Variants in CA8 observed in about 807,000 individuals in gnomAD.
The protein encoded by CA8 is carbonic anhydrase 8 (inactive), also known as carbonic anhydrase-related protein.
Under a neutral mutation model 41.4 loss-of-function variants are expected in CA8, and 22 were observed. The ratio of observed to expected loss-of-function variants is 0.53; its 90% CI spans 0.38 to 0.76. The LOEUF is 0.76. Among genes scored for constraint, CA8 ranks in the 30% least tolerant of loss-of-function variants. CA8 has a pLI of 0.00. For synonymous variants in CA8, 121 were observed against 130.6 expected (o/e 0.93, Z 0.50); for missense variants, 270 against 352.8 (o/e 0.77, Z 1.88).
In CA8 at chr8:60,188,840, C is replaced by G. The variant is rs567190198; in HGVS notation, c.*1181G>C. On this transcript the variant is annotated 3_prime_UTR_variant, in exon 9 of 9. Coordinates refer to ENST00000317995, the MANE Select transcript of CA8 (RefSeq NM_004056.6). ...TTTAATGCTTCCATTATTACCGTCT[C>G]TACTCAACACATCTAAAAACTCTGA... 1.4e-3 allele frequency: 213 copies of G among 152,288 alleles called. No homozygotes were observed. The highest frequency in any genetic ancestry group is 5.0e-3 in the African/African-American group (207 of 41,566). The allele number at this position is 152,288 out of a possible 1,614,324, so 9.4% of individuals were successfully genotyped here.
At chr8:60,191,228 A>G (rs1364793538) in intron 8 of CA8, among the ~76,000 whole-genome samples, 1 of 152,034 alleles carries the variant, frequency 6.6e-6, no homozygotes, top group East Asian at 1.9e-4. Context: ...TAAAATATAT[A>G]CACATTGTGA....
chr8:60,237,774 C>T (rs1412037542), intron 3 of CA8, among the ~76,000 whole-genome samples: 2 of 152,204 alleles, frequency 1.3e-5, no homozygotes, highest in Non-Finnish European at 2.9e-5. Flanking sequence ...TTGGCCTCCT[C>T]CTACACTTGG....
At chr8:60,276,272 C>T (rs1050502976) in intron 2 of CA8, among the ~76,000 whole-genome samples, 1 of 152,090 alleles carries the variant, frequency 6.6e-6, no homozygotes, top group African/African-American at 2.4e-5. Flanking sequence ...ACTTCCCAGG[C>T]TTGAGGTCCA....
At chr8:60,220,210 A>C (rs1413126892) in intron 7 of CA8, among the ~76,000 whole-genome samples, 3 of 152,202 alleles carry the variant, frequency 2.0e-5, no homozygotes, top group Non-Finnish European at 4.4e-5. Context: ...GCCTCAAGGC[A>C]AACTGCTTAG....
chr8:60,247,984 T>C (rs1017273127), intron 3 of CA8, among the ~76,000 whole-genome samples: 17 of 152,350 alleles, frequency 1.1e-4, no homozygotes, highest in African/African-American at 3.1e-4. Context: ...ATGGTTTTGA[T>C]TTGCGTTTCT....
Position 60,186,864 on chromosome 8 carries a change from G to A in CA8, c.*3157C>T, listed in dbSNP as rs925572770. Among the ~76,000 whole-genome samples the A allele has an allele frequency of 6.6e-6, 1 of 152,060 alleles. No individual in the cohort carries two copies. The highest frequency in any genetic ancestry group is 2.4e-5 in the African/African-American group (1 of 41,544). The stretch of plus-strand genomic sequence containing the variant: ...GTAGAAAAAAACTGACAGAATTGAA[G>A]GAAGAGATTATTCAACAACAGTCAG... On this transcript the variant is annotated 3_prime_UTR_variant, in exon 9 of 9. Transcript: ENST00000317995.
intron 7 of CA8, among the ~76,000 whole-genome samples, chr8:60,218,969 A>T (rs1176754085): frequency 6.6e-6 from 1 of 151,672 alleles, no homozygotes; most frequent in African/African-American, 2.4e-5. Flanking sequence ...AGGGACCTGG[A>T]GCAACTAGAT....
At position 60,188,206 on chromosome 8, in the gene CA8, G is replaced by A. The variant is rs937535313; in HGVS notation, c.*1815C>T. On this transcript the variant is annotated 3_prime_UTR_variant, in exon 9 of 9. Coordinates refer to ENST00000317995, the MANE Select transcript of CA8 (RefSeq NM_004056.6). ...TACACACACACCTGTGAAGGGTGAA[G>A]TCTGAACAACTAGATGTTATCCTGA... 2 of 152,134 alleles carry A rather than the reference G, an allele frequency of 1.3e-5. No individual in the cohort carries two copies. Among genetic ancestry groups the A allele is most frequent in the East Asian group, 1.9e-4 (1 of 5,194 alleles). 9.4% of individuals were successfully genotyped at this position (152,134 alleles called of 1,614,324 possible). A position where few individuals can be genotyped will look rare whatever the true frequency, so the allele number is the denominator to read the frequency against.
At chr8:60,256,615 CAT>C (rs1401861119) in intron 3 of CA8, among the ~76,000 whole-genome samples, 1 of 152,130 alleles carries the variant, frequency 6.6e-6, no homozygotes, top group Non-Finnish European at 1.5e-5. Flanking sequence ...AAAAGCAAAA[CAT>C]ATGGTTTTTA....
chr8:60,209,536 G>A (rs1806760256), intron 7 of CA8, among the ~76,000 whole-genome samples: 1 of 152,148 alleles, frequency 6.6e-6, no homozygotes, highest in South Asian at 2.1e-4. Flanking sequence ...CCTATCTATA[G>A]CATAATAAGA....
At chr8:60,232,401 G>C (rs749909756) in intron 3 of CA8, 22 bp from the exon 4 acceptor site, 1 of 1,483,018 alleles carries the variant, frequency 6.7e-7, no homozygotes, top group Non-Finnish European at 9.4e-7. Context: ...GCAACAGACA[G>C]ACCACATCAT....
chr8:60,241,407 G>A (rs1048199554), intron 3 of CA8, among the ~76,000 whole-genome samples: 2 of 152,138 alleles, frequency 1.3e-5, no homozygotes, highest in East Asian at 3.9e-4. Context: ...ATATCAAAAG[G>A]TATTTATAGT....
At chr8:60,240,199 T>C (rs1807973755) in intron 3 of CA8, among the ~76,000 whole-genome samples, 1 of 152,200 alleles carries the variant, frequency 6.6e-6, no homozygotes, top group Non-Finnish European at 1.5e-5. Flanking sequence ...AAGGAGATAC[T>C]AGCAGCAAAG....
chr8:60,234,186 TCA>T (rs752315915), intron 3 of CA8, among the ~76,000 whole-genome samples: 2 of 152,024 alleles, frequency 1.3e-5, no homozygotes, highest in Admixed American at 6.6e-5. Context: ...CAGACAAATC[TCA>T]GTGAGAGACA....
At chr8:60,222,955 C>A (rs370050075) in intron 6 of CA8, among the ~76,000 whole-genome samples, 194 bp from the exon 7 acceptor site, 18 of 152,248 alleles carry the variant, frequency 1.2e-4, no homozygotes, top group African/African-American at 4.3e-4. Context: ...ATGATGAATT[C>A]TCTATTATTT....
intron 3 of CA8, among the ~76,000 whole-genome samples, chr8:60,256,642 T>C (rs748248887): frequency 6.6e-6 from 1 of 152,218 alleles, no homozygotes; most frequent in East Asian, 1.9e-4. Context: ...GGTTAAAAAC[T>C]TACAGAGTTA....
intron 2 of CA8, among the ~76,000 whole-genome samples, chr8:60,277,188 C>CA (rs11428228): frequency 1 from 151,402 of 151,402 alleles, 75,701 homozygotes; most frequent in Non-Finnish European, 1. Flanking sequence ...ACATAGCTTA[C>CA]TACCAAAGCA....
intron 3 of CA8, among the ~76,000 whole-genome samples, chr8:60,252,473 A>G (rs994852058): frequency 3.4e-4 from 52 of 152,230 alleles, no homozygotes; most frequent in African/African-American, 1.2e-3. Context: ...CAATAAGTAA[A>G]TGCTAAAATC....
At chr8:60,247,113 G>A (rs1006954231) in intron 3 of CA8, among the ~76,000 whole-genome samples, 3 of 151,850 alleles carry the variant, frequency 2.0e-5, no homozygotes, top group African/African-American at 7.3e-5. Context: ...TCGATCTCCT[G>A]ACCTCATGAT....
Sources: gnomAD v4.1 joint callset for allele counts (sites outside exome capture counted in the v4.1 genomes callset) on GRCh38, gnomAD v4.1.1 for gene constraint, MANE v1.5 for transcripts, NCBI Gene and HGNC (gene_info 2026-07-23, HGNC 2026-07-21) for gene names.